DRC10: variants seen among roughly 807,000 people sequenced by gnomAD.
DRC10 encodes IQ domain-containing protein D.
chr12:113,219,839 C>T, the DRC10 span, among the ~76,000 whole-genome samples: 5 of 151,722 alleles, frequency 3.3e-5, no homozygotes, highest in Admixed American at 1.3e-4. Flanking sequence ...GCTGGAGTCT[C>T]GCTCTATCAC....
chr12:113,210,770 C>T, the DRC10 span, among the ~76,000 whole-genome samples: 4 of 151,820 alleles, frequency 2.6e-5, no homozygotes, highest in African/African-American at 9.7e-5. Context: ...TAAGTATCAC[C>T]ATCTGACATC....
chr12:113,197,286 C>T, the DRC10 span, among the ~76,000 whole-genome samples: 5 of 151,564 alleles, frequency 3.3e-5, no homozygotes, highest in African/African-American at 1.2e-4. Context: ...ATCCTCCCAC[C>T]TCAGCCTCCC....
the DRC10 span, among the ~76,000 whole-genome samples, chr12:113,216,780 A>C: frequency 6.6e-6 from 1 of 152,178 alleles, no homozygotes; most frequent in Non-Finnish European, 1.5e-5. Context: ...AAATTAAACG[A>C]AACAGGGTTG....
chr12:113,202,496 G>A, the DRC10 span, among the ~76,000 whole-genome samples: 6 of 152,318 alleles, frequency 3.9e-5, no homozygotes, highest in East Asian at 9.6e-4. Flanking sequence ...GCTCTCCCCA[G>A]AGAGGCTGTG....
the DRC10 span, among the ~76,000 whole-genome samples, chr12:113,210,093 A>C: frequency 1.3e-5 from 2 of 152,262 alleles, no homozygotes; most frequent in Non-Finnish European, 2.9e-5. Context: ...CCAAGTTTGC[A>C]TCACTGTACT....
chr12:113,211,521 T>C, the DRC10 span, among the ~76,000 whole-genome samples: 1 of 152,222 alleles, frequency 6.6e-6, no homozygotes, highest in East Asian at 1.9e-4. Context: ...CCCAACACTT[T>C]GGGAGGCTGA....
the DRC10 span, among the ~76,000 whole-genome samples, chr12:113,205,780 T>A: frequency 2.7e-5 from 4 of 149,784 alleles, no homozygotes; most frequent in East Asian, 7.9e-4. Flanking sequence ...TCCCAGCTAC[T>A]CGGGAGGCTG....
At chr12:113,200,705 G>C in the DRC10 span, 2 of 1,536,202 alleles carry the variant, frequency 1.3e-6, no homozygotes, top group Non-Finnish European at 1.7e-6. Context: ...TCGGCCTTCT[G>C]CTGCTTCTCA....
At chr12:113,203,777 ATT>A in the DRC10 span, among the ~76,000 whole-genome samples, 1,749 of 96,840 alleles carry the variant, frequency 0.018, 12 homozygotes, top group East Asian at 0.1. Flanking sequence ...TGCCCAGCTA[ATT>A]TTTTTTTTTT....
At chr12:113,213,978 G>T in the DRC10 span, among the ~76,000 whole-genome samples, 2 of 151,998 alleles carry the variant, frequency 1.3e-5, no homozygotes, top group Non-Finnish European at 2.9e-5. Flanking sequence ...AAAAACCAAG[G>T]TCTTGCTATG....
the DRC10 span, chr12:113,200,604 C>A: frequency 2.6e-6 from 4 of 1,535,900 alleles, no homozygotes; most frequent in Non-Finnish European, 2.6e-6. Context: ...GCTCTGCCTC[C>A]CGGTTCTCCA....
chr12:113,206,151 G>A, the DRC10 span: 3 of 150,876 alleles, frequency 2.0e-5, no homozygotes, highest in African/African-American at 7.3e-5. Context: ...CCCTGGAGGC[G>A]GAGCTTGCAG....
chr12:113,216,777 A>G, the DRC10 span, among the ~76,000 whole-genome samples: 1 of 152,146 alleles, frequency 6.6e-6, no homozygotes, highest in Non-Finnish European at 1.5e-5. Flanking sequence ...TTAAAATTAA[A>G]CGAAACAGGG....
chr12:113,211,537 G>A, the DRC10 span, among the ~76,000 whole-genome samples: 2 of 152,174 alleles, frequency 1.3e-5, no homozygotes, highest in Non-Finnish European at 2.9e-5. Context: ...GCTGAGGCAG[G>A]AGGATTTGTT....
chr12:113,207,477 T>C, the DRC10 span: 1 of 1,613,856 alleles, frequency 6.2e-7, no homozygotes, highest in Admixed American at 1.7e-5. Flanking sequence ...CCAATTCCTT[T>C]TCAAGAGTAT....
the DRC10 span, among the ~76,000 whole-genome samples, chr12:113,213,893 G>A: frequency 3.3e-5 from 5 of 152,194 alleles, no homozygotes; most frequent in South Asian, 2.1e-4. Context: ...GCAGTGAGCC[G>A]AGATTGCAGC....
the DRC10 span, among the ~76,000 whole-genome samples, chr12:113,203,893 A>G: frequency 7.1e-6 from 1 of 140,850 alleles, no homozygotes; most frequent in Non-Finnish European, 1.5e-5. Flanking sequence ...AAGTGCTGGG[A>G]TTATAGGTGT....
chr12:113,210,114 C>T, the DRC10 span, among the ~76,000 whole-genome samples: 1 of 152,148 alleles, frequency 6.6e-6, no homozygotes, highest in South Asian at 2.1e-4. Context: ...CCGGCCTGGG[C>T]AACAGAATGA....
chr12:113,205,104 A>G, the DRC10 span, among the ~76,000 whole-genome samples: 1 of 151,982 alleles, frequency 6.6e-6, no homozygotes, highest in Admixed American at 6.6e-5. Context: ...ACTGTAATTA[A>G]ATGAATTCTT....
Sources: gnomAD v4.1 joint callset for allele counts (sites outside exome capture counted in the v4.1 genomes callset) on GRCh38, gnomAD v4.1.1 for gene constraint, MANE v1.5 for transcripts, NCBI Gene and HGNC (gene_info 2026-07-23, HGNC 2026-07-21) for gene names.